The following GMPS variants were observed in gnomAD, a reference collection of about 807,000 sequenced individuals.
The protein encoded by GMPS is GMP synthase [glutamine-hydrolyzing].
GMPS carries 15 observed loss-of-function variants against 77.9 expected under a neutral mutation model. The ratio of observed to expected loss-of-function variants is 0.19; its 90% CI spans 0.13 to 0.30. GMPS has a LOEUF of 0.30. Ranked by LOEUF, GMPS falls within the 10% of genes least tolerant of loss-of-function variation. The pLI is 1.00. For missense variants in GMPS, 590 were observed against 838.8 expected (o/e 0.70, Z 3.66); for synonymous variants, 224 against 275.9 (o/e 0.81, Z 1.86).
chr3:155,930,785 C>T (rs562918211), intron 12 of GMPS, among the ~76,000 whole-genome samples: 64 of 152,302 alleles, frequency 4.2e-4, no homozygotes, highest in African/African-American at 1.5e-3. Context: ...TCAAAAAACA[C>T]AGGCAGATCT....
Position 155,936,325 on chromosome 3 carries a change from T to C in GMPS, c.1808-13T>C, listed in dbSNP as rs754786951. 15 of 1,579,808 alleles carry C rather than the reference T, an allele frequency of 9.5e-6. No homozygotes were observed. Among genetic ancestry groups the C allele is most frequent in the Non-Finnish European group, 1.1e-5 (13 of 1,150,356 alleles). On this transcript the variant is annotated splice_polypyrimidine_tract_variant and intron_variant, in intron 14 of 15. Coordinates refer to ENST00000496455, the MANE Select transcript of GMPS (RefSeq NM_003875.3). Reference sequence around the variant, plus strand: ...ATGGTGTGGTGATTGGTTCTACATATACCTTTCTCTAGGGTATGCTGGGAA... The same window carrying C: ...ATGGTGTGGTGATTGGTTCTACATACACCTTTCTCTAGGGTATGCTGGGAA...
At position 155,872,316 on chromosome 3, in the gene GMPS, G is replaced by A. The variant is rs939606245; in HGVS notation, c.27+1419G>A. 2.0e-5 allele frequency among the ~76,000 whole-genome samples: 3 copies of A among 152,172 alleles called. No individual in the cohort carries two copies. In the South Asian group the frequency reaches 6.2e-4, roughly 32 times the overall value. Reference sequence around the variant, plus strand: ...AAACCAAGGCACCAGTGGTGCTTAGGTCCAGGGAGCTGTTAAGACACACAA... The same window carrying A: ...AAACCAAGGCACCAGTGGTGCTTAGATCCAGGGAGCTGTTAAGACACACAA... On this transcript the variant is annotated intron_variant, in intron 1 of 15. Coordinates refer to ENST00000496455, the MANE Select transcript of GMPS (RefSeq NM_003875.3).
In GMPS at chr3:155,926,870, C is replaced by T. The variant is rs554469853; in HGVS notation, c.1560+1504C>T. Among the ~76,000 whole-genome samples the T allele has an allele frequency of 4.6e-5, 7 of 152,064 alleles. No individual in the cohort carries two copies. In the South Asian group the frequency reaches 8.3e-4, roughly 18 times the overall value. On this transcript the variant is annotated intron_variant, in intron 12 of 15. Transcript: ENST00000496455. ...AGAAACCCCATCTCTACTAATTAGC[C>T]GGGTGTGGTGGTGCATGCCTGTAAT...
intron 1 of GMPS, among the ~76,000 whole-genome samples, chr3:155,879,169 A>G (rs575357125): frequency 7.0e-4 from 106 of 152,212 alleles, no homozygotes; most frequent in Admixed American, 1.7e-3. Flanking sequence ...ATACCCAGAA[A>G]TAATCCTTTA....
chr3:155,899,002 G>A (rs181491515), intron 3 of GMPS, among the ~76,000 whole-genome samples: 73 of 152,192 alleles, frequency 4.8e-4, no homozygotes, highest in African/African-American at 1.7e-3. Context: ...AGGCCGAGGC[G>A]GGTGGATCAC....
chr3:155,923,020 A>C (rs1467553636), intron 11 of GMPS, among the ~76,000 whole-genome samples: 1 of 152,176 alleles, frequency 6.6e-6, no homozygotes, highest in Non-Finnish European at 1.5e-5. Context: ...AAAAAATACA[A>C]ATCACATATA....
At chr3:155,932,312 ACACC>A (rs1755647394) in intron 13 of GMPS, among the ~76,000 whole-genome samples, 1 of 150,396 alleles carries the variant, frequency 6.6e-6, no homozygotes, top group Non-Finnish European at 1.5e-5. Flanking sequence ...ACACACACAC[ACACC>A]CCTACAAAAC....
rs2108131658 is a variant in GMPS, at chr3:155,925,383, C to A, written c.1560+17C>A. Reference sequence around the variant, plus strand: ...GGTGTGCAGGTGAGTTGTGTGAATTCATTCACCAGTGATATACTTTTTTTT... The same window carrying A: ...GGTGTGCAGGTGAGTTGTGTGAATTAATTCACCAGTGATATACTTTTTTTT... On this transcript the variant is annotated intron_variant, in intron 12 of 15. Coordinates refer to ENST00000496455, the MANE Select transcript of GMPS (RefSeq NM_003875.3). 1.3e-6 allele frequency: 2 copies of A among 1,564,420 alleles called. No individual in the cohort carries two copies. The highest frequency in any genetic ancestry group is 2.3e-5 in the South Asian group (2 of 85,502).
intron 1 of GMPS, among the ~76,000 whole-genome samples, chr3:155,889,963 TAA>T (rs1421143757): frequency 6.6e-6 from 1 of 152,246 alleles, no homozygotes; most frequent in Non-Finnish European, 1.5e-5. Flanking sequence ...TTGATGTGAC[TAA>T]GTTTCTTTTT....
chr3:155,909,983 G>A (rs1347785625), intron 5 of GMPS, among the ~76,000 whole-genome samples: 2 of 151,028 alleles, frequency 1.3e-5, no homozygotes, highest in Non-Finnish European at 3.0e-5. Context: ...AGTGGCTCAC[G>A]CCTGTAATCC....
chr3:155,903,977 T>A lies in GMPS; in HGVS notation c.422+17T>A. On this transcript the variant is annotated intron_variant, in intron 4 of 15. Transcript: ENST00000496455. ...ATTATTCAGGTATTACATTTTTAGATGAATAAGAACAATAGTAATTAACTA... is the reference window on the plus strand; with the variant it reads ...ATTATTCAGGTATTACATTTTTAGAAGAATAAGAACAATAGTAATTAACTA... The A allele has an allele frequency of 1.1e-6, 1 of 950,300 alleles. No homozygotes were observed. The highest frequency in any genetic ancestry group is 1.6e-6 in the Non-Finnish European group (1 of 621,898). The allele number at this position is 950,300 out of a possible 1,614,324, so 58.9% of individuals were successfully genotyped here.
chr3:155,895,418 C>T (rs375365921), intron 2 of GMPS: 1 of 152,174 alleles, frequency 6.6e-6, no homozygotes, highest in East Asian at 1.9e-4. Flanking sequence ...CTGGCAGATT[C>T]TCCTGCCTCA....
At position 155,916,108 on chromosome 3, in the gene GMPS, T is replaced by G; in HGVS notation, c.1128T>G (p.Ser376Arg). The change falls in exon 9 of 16, where the codon AGT becomes AGG. Residue 376 changes from serine (S) to arginine (R), a missense_variant. Around this residue, in one of 6 missense-constraint regions of GMPS, gnomAD observed 181 missense variants for 186.8 expected, o/e 0.97. Transcript: ENST00000496455. ...CTTTACGGCCTGATCTAATTGAAAG[T>G]GCATCCCTTGTTGCAAGTGGCAAAG... The part of the protein sequence containing the change: ...QGTLRPDLIE[S>R]ASLVASGKAE... The G allele has an allele frequency of 6.2e-7, 1 of 1,613,038 alleles. No individual in the cohort carries two copies. The highest frequency in any genetic ancestry group is 8.5e-7 in the Non-Finnish European group (1 of 1,179,012).
chr3:155,918,692 G>A (rs1453407374), intron 9 of GMPS, among the ~76,000 whole-genome samples: 1 of 152,052 alleles, frequency 6.6e-6, no homozygotes, highest in African/African-American at 2.4e-5. Flanking sequence ...TGTCATAGGG[G>A]TTTGTTATAC....
rs372602278 is a variant in GMPS at position 155,936,494 on chromosome 3, A to G, written c.1964A>G (p.Asn655Ser). ...FMTGIPATPG[N>S]EIPVEVVLKM... The stretch of plus-strand genomic sequence containing the variant: ...ACTGGTATACCTGCAACACCTGGCA[A>G]TGAGATCCCTGTAGAGGTAATTTAT... Residue 655 changes from asparagine to serine, a missense_variant, in exon 15 of 16, where the codon AAT (asparagine) becomes AGT (serine). Around this residue, in one of 6 missense-constraint regions of GMPS, gnomAD observed 73 missense variants for 170.5 expected, o/e 0.43. Transcript: ENST00000496455. 2.5e-6 allele frequency: 4 copies of G among 1,598,904 alleles called. No homozygotes were observed. The highest frequency in any genetic ancestry group is 3.3e-5 in the Admixed American group (2 of 59,976).
intron 11 of GMPS, among the ~76,000 whole-genome samples, chr3:155,924,210 G>A (rs1192500749): frequency 6.6e-6 from 1 of 152,202 alleles, no homozygotes; most frequent in Non-Finnish European, 1.5e-5. Flanking sequence ...CTGACTTGAG[G>A]AGAAGCAGCA....
intron 5 of GMPS, among the ~76,000 whole-genome samples, chr3:155,909,440 A>G (rs1368269090): frequency 6.6e-6 from 1 of 152,234 alleles, no homozygotes; most frequent in African/African-American, 2.4e-5. Flanking sequence ...TCAATGCACT[A>G]GATAGACAAG....
intron 12 of GMPS, among the ~76,000 whole-genome samples, chr3:155,930,907 G>A (rs939198547): frequency 2.0e-5 from 3 of 151,968 alleles, no homozygotes; most frequent in Non-Finnish European, 4.4e-5. Context: ...CGATAGCCTC[G>A]ACCTCGTTGG....
At chr3:155,906,743 G>A (rs1238622645) in intron 5 of GMPS, among the ~76,000 whole-genome samples, 1 of 152,004 alleles carries the variant, frequency 6.6e-6, no homozygotes, top group African/African-American at 2.4e-5. Flanking sequence ...TAATGTCCAG[G>A]AGCTAAGAAT....
Sources: gnomAD v4.1 joint callset for allele counts (sites outside exome capture counted in the v4.1 genomes callset) on GRCh38, gnomAD v4.1.1 for gene constraint, gnomAD v4.1.1 regional missense constraint, MANE v1.5 for transcripts, NCBI Gene and HGNC (gene_info 2026-07-23, HGNC 2026-07-21) for gene names.